Variants in PARP8 observed in about 807,000 individuals in gnomAD.
The protein encoded by PARP8 is poly(ADP-ribose) polymerase family member 8.
Under a neutral mutation model 124.1 loss-of-function variants are expected in PARP8, and 51 were observed. That is an observed-to-expected ratio of 0.41 (90% CI 0.33 to 0.52). PARP8 has a LOEUF of 0.52. Among genes scored for constraint, PARP8 ranks in the 20% least tolerant of loss-of-function variants. PARP8 has a pLI of 0.21. For synonymous variants in PARP8, 391 were observed against 361.5 expected, an observed-to-expected ratio of 1.08 and a Z score of -0.93; for missense variants, 860 against 1,018.9, an observed-to-expected ratio of 0.84 and a Z score of 2.12.
intron 2 of PARP8, among the ~76,000 whole-genome samples, chr5:50,704,662 T>G (rs539772801): frequency 2.6e-5 from 4 of 152,278 alleles, no homozygotes; most frequent in Admixed American, 6.5e-5. Context: ...GTAACATATC[T>G]CATGAACATT....
intron 8 of PARP8, 144 bp downstream of exon 8, chr5:50,778,273 G>C (rs1254741081): frequency 2.9e-6 from 2 of 686,884 alleles, no homozygotes; most frequent in African/African-American, 3.7e-5. Context: ...GAATTGCTGT[G>C]ACTTGTCAAA....
intron 14 of PARP8, among the ~76,000 whole-genome samples, chr5:50,806,404 T>G (rs1489327720): frequency 7.2e-5 from 11 of 152,056 alleles, no homozygotes; most frequent in Admixed American, 7.2e-4. Context: ...TAGTAAGTAG[T>G]GGAAATACTA....
chr5:50,700,281 C>T (rs1753457663), intron 2 of PARP8, among the ~76,000 whole-genome samples: 2 of 152,138 alleles, frequency 1.3e-5, no homozygotes, highest in Non-Finnish European at 2.9e-5. Flanking sequence ...AAATGGTTTT[C>T]CTCTTTGAAA....
intron 9 of PARP8, among the ~76,000 whole-genome samples, chr5:50,784,533 T>G (rs909682876): frequency 6.6e-6 from 1 of 152,168 alleles, no homozygotes; most frequent in Admixed American, 6.5e-5. Context: ...TATTGGTACC[T>G]CTGTGCTTGC....
intron 2 of PARP8, among the ~76,000 whole-genome samples, chr5:50,689,285 T>G (rs1023666565): frequency 6.6e-6 from 1 of 152,200 alleles, no homozygotes; most frequent in African/African-American, 2.4e-5. Context: ...TTTCTACATT[T>G]ACTAACTGTA....
chr5:50,696,057 G>C (rs1752991139), intron 2 of PARP8, among the ~76,000 whole-genome samples: 1 of 152,106 alleles, frequency 6.6e-6, no homozygotes, highest in Non-Finnish European at 1.5e-5. Context: ...GCTTATAAAG[G>C]AGAGAGTAAA....
chr5:50,794,096 T>C lies in PARP8; in HGVS notation c.738-111T>C, dbSNP rs1742256683. ...GATTCTAAATTAGCGTCTCACTGAT[T>C]TCTATGTGTTTGCATTTATTTGATA... On this transcript the variant is annotated intron_variant, in intron 10 of 25. Transcript: ENST00000281631. 5 of 1,196,124 alleles carry C rather than the reference T, an allele frequency of 4.2e-6. No homozygotes were observed. The African/African-American group carries it at 6.3e-5, about 15-fold the overall frequency. 74.1% of individuals were successfully genotyped at this position (1,196,124 alleles called of 1,614,324 possible).
rs755306291 is a variant in PARP8 at position 50,761,890 on chromosome 5, G to A, written c.415G>A (p.Gly139Arg). The A allele has an allele frequency of 1.3e-6, 2 of 1,596,444 alleles. No individual in the cohort carries two copies. Among genetic ancestry groups the A allele is most frequent in the Non-Finnish European group, 8.6e-7 (1 of 1,166,820 alleles). The change falls in exon 6 of 26, where the codon GGA (glycine) becomes AGA (arginine). Residue 139 changes from glycine (G) to arginine (R), a missense_variant. Transcript: ENST00000281631. The part of the protein sequence containing the change: ...GDNDSEEFYY[G>R]GQVNYDGELH... The stretch of plus-strand genomic sequence containing the variant: ...CAATGATTCCGAAGAATTTTATTAC[G>A]GAGGGCAGGTAAGGAAACCTGGTCT...
At chr5:50,786,955 A>G (rs560798014) in intron 9 of PARP8, among the ~76,000 whole-genome samples, 12 of 152,266 alleles carry the variant, frequency 7.9e-5, no homozygotes, top group African/African-American at 2.9e-4. Flanking sequence ...TTTAGTATCA[A>G]ATAAGCATCT....
chr5:50,775,519 C>T (rs1484984634), intron 7 of PARP8, among the ~76,000 whole-genome samples: 2 of 152,102 alleles, frequency 1.3e-5, no homozygotes, highest in Non-Finnish European at 2.9e-5. Flanking sequence ...CAAGGCAGTA[C>T]GGTCCAACCT....
At chr5:50,699,894 C>T (rs1438331451) in intron 2 of PARP8, among the ~76,000 whole-genome samples, 1 of 152,082 alleles carries the variant, frequency 6.6e-6, no homozygotes, top group Non-Finnish European at 1.5e-5. Context: ...TCTACTCTGC[C>T]TGACACATTG....
intron 9 of PARP8, among the ~76,000 whole-genome samples, chr5:50,782,539 C>T (rs1267657995): frequency 3.3e-5 from 5 of 152,062 alleles, no homozygotes; most frequent in Admixed American, 6.5e-5. Context: ...TTTATTCTAG[C>T]TTATGATTAG....
At chr5:50,711,677 C>A (rs570768797) in intron 2 of PARP8, among the ~76,000 whole-genome samples, 1 of 152,150 alleles carries the variant, frequency 6.6e-6, no homozygotes, top group South Asian at 2.1e-4. Flanking sequence ...ACCTCCTCAC[C>A]CCGCCCTAAA....
intron 25 of PARP8, among the ~76,000 whole-genome samples, chr5:50,835,770 T>G (rs576331194): frequency 2.3e-4 from 33 of 143,942 alleles, no homozygotes; most frequent in Admixed American, 5.4e-4. Flanking sequence ...CAATGTGGGG[T>G]TTTTTTTTGG....
At chr5:50,727,359 C>T (rs113471688) in intron 2 of PARP8, among the ~76,000 whole-genome samples, 9 of 152,222 alleles carry the variant, frequency 5.9e-5, no homozygotes, top group Admixed American at 1.3e-4. Context: ...ACTTCCCACC[C>T]GGACTTGGTG....
At chr5:50,726,099 C>G (rs538480190) in intron 2 of PARP8, among the ~76,000 whole-genome samples, 17 of 152,106 alleles carry the variant, frequency 1.1e-4, no homozygotes, top group Admixed American at 1.1e-3. Context: ...TACAAGTCGT[C>G]CTCCTCCCTA....
In PARP8 at chr5:50,795,485, A is replaced by G. The variant is rs1330928007; in HGVS notation, c.1428+68A>G. 21 of 1,312,162 alleles carry G rather than the reference A, an allele frequency of 1.6e-5. No homozygotes were observed. The East Asian group carries it at 2.7e-4, about 17-fold the overall frequency. The allele number at this position is 1,312,162 out of a possible 1,614,324, so 81.3% of individuals were successfully genotyped here. On this transcript the variant is annotated intron_variant, in intron 12 of 25. Transcript: ENST00000281631. ...GGTGCAGTAGAATTTTTTTTTTCTT[A>G]TAAGATCTGGTGGAGAAAAGAAGCA...
At chr5:50,716,308 C>T (rs1755311366) in intron 2 of PARP8, among the ~76,000 whole-genome samples, 1 of 152,038 alleles carries the variant, frequency 6.6e-6, no homozygotes, top group Admixed American at 6.6e-5. Flanking sequence ...AAAGTTCCAA[C>T]AAATTGAGTT....
At chr5:50,673,124 G>A (rs1156800082) in intron 2 of PARP8, among the ~76,000 whole-genome samples, 7 of 152,102 alleles carry the variant, frequency 4.6e-5, no homozygotes, top group African/African-American at 1.2e-4. Context: ...TTTTAAAAGT[G>A]TGTTCCTTGG....
Sources: gnomAD v4.1 joint callset for allele counts (sites outside exome capture counted in the v4.1 genomes callset) on GRCh38, gnomAD v4.1.1 for gene constraint, MANE v1.5 for transcripts, NCBI Gene and HGNC (gene_info 2026-07-23, HGNC 2026-07-21) for gene names.